ZNF704: variants seen among roughly 807,000 people sequenced by gnomAD.
ZNF704 encodes the protein zinc finger protein 704.
In ZNF704, 10 loss-of-function variants were observed where a neutral mutation model predicts 44.7. The ratio of observed to expected loss-of-function variants is 0.22; its 90% CI spans 0.14 to 0.38. The LOEUF is 0.38. ZNF704 is among the 10% of genes least tolerant of loss of function. The probability of loss-of-function intolerance (pLI) is 1.00; values close to 1 mark genes in which losing one functional copy is unlikely to be tolerated. For synonymous variants in ZNF704, 211 were observed against 207.6 expected, an observed-to-expected ratio of 1.02 and a Z score of -0.14; for missense variants, 390 against 545.5, an observed-to-expected ratio of 0.71 and a Z score of 2.84.
At position 80,727,277 on chromosome 8, in the gene ZNF704, G is replaced by A. The variant is rs367826512; in HGVS notation, c.222-34170C>T. On this transcript the variant is annotated intron_variant, in intron 2 of 8. Coordinates refer to ENST00000327835, the MANE Select transcript of ZNF704 (RefSeq NM_001033723.3). ...GTGGCTCAGGGCCAGACTTACGATC[G>A]GCTCAGACCCAGCATCGGTTCAGTC... is the stretch of plus-strand genomic sequence containing the variant. Among the ~76,000 whole-genome samples the A allele has an allele frequency of 4.6e-5, 7 of 152,218 alleles. No individual in the cohort carries two copies. The East Asian group carries it at 1.4e-3, about 29-fold the overall frequency.
intron 6 of ZNF704, among the ~76,000 whole-genome samples, chr8:80,663,602 AT>A (rs1251682180): frequency 6.6e-6 from 1 of 152,134 alleles, no homozygotes; most frequent in African/African-American, 2.4e-5. Context: ...GGCACTGTTG[AT>A]TTGGGGAACA....
rs530535792 is a variant in ZNF704 at position 80,724,455 on chromosome 8, G to A, written c.222-31348C>T. 1.1e-3 allele frequency among the ~76,000 whole-genome samples: 161 copies of A among 152,218 alleles called. 4 individuals carry two copies. In the South Asian group the frequency reaches 0.029, roughly 27 times the overall value. On this transcript the variant is annotated intron_variant, in intron 2 of 8. Coordinates refer to ENST00000327835, the MANE Select transcript of ZNF704 (RefSeq NM_001033723.3). ...TCACTTATGACAAATATATATCTGC[G>A]AACTGGCATTTCCCAAGCCCCTGTC...
chr8:80,856,021 G>C (rs1481604219), intron 1 of ZNF704, among the ~76,000 whole-genome samples: 1 of 152,174 alleles, frequency 6.6e-6, no homozygotes, highest in East Asian at 1.9e-4. Context: ...GCAGTTGCGT[G>C]ATCATAGCTC....
chr8:80,793,615 C>T (rs1186108644), intron 2 of ZNF704, among the ~76,000 whole-genome samples: 1 of 151,760 alleles, frequency 6.6e-6, no homozygotes, highest in Non-Finnish European at 1.5e-5. Flanking sequence ...TAGTAGTATC[C>T]ATAAACCAAA....
chr8:80,802,194 CAAAAAAAAA>C lies in ZNF704; in HGVS notation c.221+19171_221+19179del, dbSNP rs748625927. Among the ~76,000 whole-genome samples the C allele has an allele frequency of 2.7e-4, 22 of 82,524 alleles. 1 individual carries two copies. Among genetic ancestry groups the C allele is most frequent in the African/African-American group, 1.0e-3 (22 of 21,348 alleles). 54.1% of individuals were successfully genotyped at this position (82,524 alleles called of 152,430 possible). On this transcript the variant is annotated intron_variant, in intron 2 of 8. Transcript: ENST00000327835. ...GAGGCAGTAATAAACGCCTACCAAC[CAAAAAAAAA>C]AAAAAAAAAAGCCCAGGACCAGACG...
chr8:80,702,300 A>C lies in ZNF704; in HGVS notation c.222-9193T>G, dbSNP rs557333551. Among the ~76,000 whole-genome samples the C allele has an allele frequency of 3.3e-5, 5 of 152,284 alleles. No individual in the cohort carries two copies. The South Asian group carries it at 1.0e-3, about 32-fold the overall frequency. ...TTTCTCTGTGGAGAGTGGAGAGGAC[A>C]TTGCCATGCTTAAGGTTTGGAATTG... On this transcript the variant is annotated intron_variant, in intron 2 of 8. Coordinates refer to ENST00000327835, the MANE Select transcript of ZNF704 (RefSeq NM_001033723.3).
intron 2 of ZNF704, among the ~76,000 whole-genome samples, chr8:80,757,248 G>A (rs1807051566): frequency 6.6e-6 from 1 of 152,126 alleles, no homozygotes; most frequent in Non-Finnish European, 1.5e-5. Context: ...GGAGGTGGAA[G>A]ACAGTGATAT....
At chr8:80,783,390 T>G (rs905013293) in intron 2 of ZNF704, among the ~76,000 whole-genome samples, 1 of 152,152 alleles carries the variant, frequency 6.6e-6, no homozygotes, top group African/African-American at 2.4e-5. Flanking sequence ...CATGGGTAAA[T>G]GTGTGCTGTG....
intron 2 of ZNF704, among the ~76,000 whole-genome samples, chr8:80,814,413 A>G (rs1808142409): frequency 6.6e-6 from 1 of 152,218 alleles, no homozygotes; most frequent in South Asian, 2.1e-4. Context: ...CTCCATGACT[A>G]TACTTGAGTT....
At chr8:80,865,614 AC>A (rs966387902) in intron 1 of ZNF704, among the ~76,000 whole-genome samples, 1 of 152,214 alleles carries the variant, frequency 6.6e-6, no homozygotes, top group African/African-American at 2.4e-5. Flanking sequence ...TTTGACATTC[AC>A]TTACTTCAAC....
Position 80,665,065 on chromosome 8 carries a change from T to C in ZNF704, c.677A>G (p.Asp226Gly), listed in dbSNP as rs763978847. Residue 226 changes from aspartate to glycine, a missense_variant, in exon 6 of 9, where the codon GAC (aspartate) becomes GGC (glycine). Physicochemically the swap from Asp to Gly is moderately conservative, Grantham distance 94. Around this residue, in one of 3 missense-constraint regions of ZNF704, gnomAD observed 305 missense variants for 435.7 expected, o/e 0.70. Transcript: ENST00000327835. ...TIHLGRVGDS[D>G]YSDGEEDFYY... Reference sequence around the variant, plus strand: ...AAAGTCCTCTTCTCCATCACTGTAGTCAGAGTCTCCAACGCGCCTAATGCA... The same window carrying C: ...AAAGTCCTCTTCTCCATCACTGTAGCCAGAGTCTCCAACGCGCCTAATGCA... 4.3e-6 allele frequency: 7 copies of C among 1,614,186 alleles called. No homozygotes were observed. Among genetic ancestry groups the C allele is most frequent in the African/African-American group, 1.3e-5 (1 of 75,050 alleles).
chr8:80,809,149 G>A (rs1808042523), intron 2 of ZNF704, among the ~76,000 whole-genome samples: 1 of 152,164 alleles, frequency 6.6e-6, no homozygotes, highest in Non-Finnish European at 1.5e-5. Context: ...AAGTTAGCCA[G>A]GCGTGGTGGC....
intron 1 of ZNF704, among the ~76,000 whole-genome samples, chr8:80,866,726 G>GGC (rs1554589078): frequency 1.3e-5 from 2 of 152,186 alleles, no homozygotes; most frequent in African/African-American, 4.8e-5. Context: ...GGGGTTGGGG[G>GGC]GGGGATACAT....
At chr8:80,688,938 AAC>A (rs1314119959) in intron 3 of ZNF704, among the ~76,000 whole-genome samples, 1 of 147,282 alleles carries the variant, frequency 6.8e-6, no homozygotes. Flanking sequence ...CAGCCTGGGC[AAC>A]AGAGTGAGAC....
At chr8:80,844,310 T>C (rs1331679578) in intron 1 of ZNF704, among the ~76,000 whole-genome samples, 1 of 152,170 alleles carries the variant, frequency 6.6e-6, no homozygotes, top group African/African-American at 2.4e-5. Context: ...ACCAGCAGAT[T>C]GGGTGTCTGG....
chr8:80,675,201 C>T (rs1002477673), intron 4 of ZNF704, among the ~76,000 whole-genome samples: 3 of 152,132 alleles, frequency 2.0e-5, no homozygotes, highest in African/African-American at 2.4e-5. Context: ...AGGAGCCAGC[C>T]AAGCTAAGAG....
rs571486793 is a variant in ZNF704 at position 80,836,000 on chromosome 8, C to T, written c.-21-14385G>A. ...CCTGGATCTGTACAATAGTCTCCCT[C>T]CCCGGAGCCCTGTTTCCACTCCTGC... On this transcript the variant is annotated intron_variant, in intron 1 of 8. Coordinates refer to ENST00000327835, the MANE Select transcript of ZNF704 (RefSeq NM_001033723.3). Among the ~76,000 whole-genome samples the T allele has an allele frequency of 3.9e-5, 6 of 152,296 alleles. No individual in the cohort carries two copies. In the South Asian group the frequency reaches 8.3e-4, roughly 21 times the overall value.
At chr8:80,725,751 G>A (rs1430174301) in intron 2 of ZNF704, among the ~76,000 whole-genome samples, 3 of 152,096 alleles carry the variant, frequency 2.0e-5, no homozygotes, top group Non-Finnish European at 4.4e-5. Flanking sequence ...CTCCCTGGGG[G>A]CTTACTGTTA....
chr8:80,669,326 G>C (rs1818243588), intron 5 of ZNF704, among the ~76,000 whole-genome samples: 1 of 152,160 alleles, frequency 6.6e-6, no homozygotes, highest in African/African-American at 2.4e-5. Context: ...GAAGGCTTGA[G>C]GAGCAGAAGG....
Sources: gnomAD v4.1 joint callset for allele counts (sites outside exome capture counted in the v4.1 genomes callset) on GRCh38, gnomAD v4.1.1 for gene constraint, gnomAD v4.1.1 regional missense constraint, MANE v1.5 for transcripts, NCBI Gene and HGNC (gene_info 2026-07-23, HGNC 2026-07-21) for gene names.